DST: variants seen among roughly 807,000 people sequenced by gnomAD.
DST encodes the protein bullous pemphigoid antigen.
A neutral mutation model predicts 875.2 loss-of-function variants in DST; 253 were observed. That is an observed-to-expected ratio of 0.29 (90% CI 0.26 to 0.32). The LOEUF is 0.32. Among genes scored for constraint, DST ranks in the 10% least tolerant of loss-of-function variants. The pLI is 1.00. For missense variants in DST, 8,287 were observed against 9,111.6 expected (o/e 0.91, Z 3.68); for synonymous variants, 3,124 against 3,197.1 (o/e 0.98, Z 0.77).
intron 4 of DST, among the ~76,000 whole-genome samples, chr6:56,816,106 A>G (rs1375273076): frequency 6.6e-6 from 1 of 152,206 alleles, no homozygotes; most frequent in Non-Finnish European, 1.5e-5. Flanking sequence ...GGGCAACTTT[A>G]GGGTAGAAAA....
intron 4 of DST, among the ~76,000 whole-genome samples, chr6:56,813,110 C>G (rs1020988658): frequency 2.6e-5 from 4 of 151,504 alleles, no homozygotes; most frequent in Non-Finnish European, 5.9e-5. Flanking sequence ...TGGAAATCAT[C>G]ATTCTCAGTA....
Position 56,604,714 on chromosome 6 carries a change from T to C in DST, c.9914A>G (p.Asn3305Ser). The C allele has an allele frequency of 1.2e-6, 2 of 1,612,468 alleles. No homozygotes were observed. Residue 3305 changes from asparagine to serine, a missense_variant, in exon 40 of 104, where the codon AAC becomes AGC. This residue lies in a region of DST where 3,138 missense variants were observed against 3,116.6 expected (regional missense o/e 1.01). Coordinates refer to ENST00000680361, the MANE Select transcript of DST (RefSeq NM_001374736.1). ...ANGLGNDNSSNTLNTDYSFLE... is the reference protein window; with the variant it reads ...ANGLGNDNSSSTLNTDYSFLE... ...GAATGAATAGTCAGTATTTAAAGTG[T>C]TACTGGAGTTATCATTTCCTAATCC...
chr6:56,843,580 A>AGGCCGC (rs1163672322), intron 4 of DST: 36 of 983,904 alleles, frequency 3.7e-5, no homozygotes, highest in East Asian at 1.1e-4. Flanking sequence ...GGCCGGGCCG[A>AGGCCGC]GGCCGCGGCA....
intron 10 of DST, among the ~76,000 whole-genome samples, chr6:56,668,870 AAAAAGGGAGAAAG>A (rs2099085428): frequency 2.6e-5 from 4 of 152,052 alleles, no homozygotes. Flanking sequence ...TTTCCAAAAT[AAAAAGGGAGAAAG>A]AAAAGGGGAG....
At chr6:56,693,427 A>T in intron 9 of DST, 1 of 1,072,366 alleles carries the variant, frequency 9.3e-7, no homozygotes, top group Non-Finnish European at 1.1e-6. Context: ...CTGTCAAATT[A>T]CAACACTGAT....
At chr6:56,815,450 AGCACT>A (rs1298729589) in intron 4 of DST, among the ~76,000 whole-genome samples, 1 of 152,356 alleles carries the variant, frequency 6.6e-6, no homozygotes, top group Admixed American at 6.5e-5. Context: ...AAATTAATTA[AGCACT>A]GTATTTATCT....
At chr6:56,602,830 T>C (rs2098458285) in intron 43 of DST, 52 bp downstream of exon 43, 2 of 1,347,536 alleles carry the variant, frequency 1.5e-6, no homozygotes, top group Admixed American at 3.4e-5. Flanking sequence ...TTGTTATATA[T>C]TAAAGTCATA....
chr6:56,486,634 G>A (rs1582859119), intron 87 of DST, among the ~76,000 whole-genome samples: 2 of 152,200 alleles, frequency 1.3e-5, no homozygotes, highest in Admixed American at 1.3e-4. Flanking sequence ...GGGGTAGATG[G>A]AGTTGGAAAG....
intron 5 of DST, among the ~76,000 whole-genome samples, chr6:56,726,784 T>C (rs1490340808): frequency 6.6e-6 from 1 of 152,164 alleles, no homozygotes; most frequent in African/African-American, 2.4e-5. Context: ...AGTATACTAG[T>C]GGGAAAAAAA....
intron 87 of DST, among the ~76,000 whole-genome samples, chr6:56,486,312 G>A (rs867816518): frequency 3.0e-4 from 40 of 133,928 alleles, no homozygotes; most frequent in South Asian, 4.6e-4. Flanking sequence ...GCAGTGAGCC[G>A]AGATCCCGCC....
At position 56,482,124 on chromosome 6, in the gene DST, C is replaced by G; in HGVS notation, c.21457G>C (p.Glu7153Gln). The change falls in exon 90 of 104, where the codon GAG becomes CAG. Residue 7153 changes from glutamate (E) to glutamine (Q), a missense_variant. By Grantham distance (29) the Glu-to-Gln change is conservative. Around this residue, in one of 10 missense-constraint regions of DST, gnomAD observed 1,292 missense variants for 1,552.7 expected, o/e 0.83. Transcript: ENST00000680361. ...HALLEWLAEA[E>Q]QTLRFHGVLP... Reference sequence around the variant, plus strand: ...ACACCATGGAAACGCAGGGTTTGCTCCGCCTCAGCCAGCCACTCCAAGAGG... The same window carrying G: ...ACACCATGGAAACGCAGGGTTTGCTGCGCCTCAGCCAGCCACTCCAAGAGG... 6.2e-7 allele frequency: 1 copy of G among 1,613,664 alleles called. No individual in the cohort carries two copies. The highest frequency in any genetic ancestry group is 8.5e-7 in the Non-Finnish European group (1 of 1,179,772).
chr6:56,515,192 T>C (rs1366461364), intron 72 of DST, among the ~76,000 whole-genome samples: 1 of 152,192 alleles, frequency 6.6e-6, no homozygotes, highest in Non-Finnish European at 1.5e-5. Flanking sequence ...GAATTTTTTC[T>C]ATCTAGATGA....
chr6:56,626,998 G>C (rs1381955112), intron 34 of DST, among the ~76,000 whole-genome samples: 2 of 152,152 alleles, frequency 1.3e-5, no homozygotes. Context: ...AGTGGCAGGG[G>C]TGTACATATG....
chr6:56,620,470 C>T (rs2098679765), intron 36 of DST: 1 of 1,614,104 alleles, frequency 6.2e-7, no homozygotes, highest in Non-Finnish European at 8.5e-7. Context: ...CACTTTCAGC[C>T]CTTATCTTCT....
intron 4 of DST, among the ~76,000 whole-genome samples, chr6:56,773,504 A>G (rs2099671630): frequency 6.6e-6 from 1 of 152,150 alleles, no homozygotes; most frequent in African/African-American, 2.4e-5. Context: ...TATATGAGAT[A>G]TTCAGGCAAT....
intron 4 of DST, among the ~76,000 whole-genome samples, chr6:56,835,096 C>G (rs1418799987): frequency 1.3e-5 from 2 of 152,164 alleles, no homozygotes; most frequent in African/African-American, 4.8e-5. Flanking sequence ...TCAGAAAAGT[C>G]TATATACTGC....
At chr6:56,614,545 G>C (rs939239923) in intron 36 of DST, 61 bp from the exon 37 acceptor site, 29 of 1,461,006 alleles carry the variant, frequency 2.0e-5, no homozygotes, top group African/African-American at 4.3e-5. Context: ...CTATTAAACT[G>C]ACCTCTCCAT....
intron 4 of DST, among the ~76,000 whole-genome samples, chr6:56,748,103 C>G (rs1207933360): frequency 2.0e-5 from 3 of 152,144 alleles, no homozygotes; most frequent in Non-Finnish European, 2.9e-5. Flanking sequence ...TCTGTCCCAG[C>G]CAATAGCCTA....
At chr6:56,582,601 CTT>C (rs112850619) in intron 49 of DST, among the ~76,000 whole-genome samples, 115 of 145,092 alleles carry the variant, frequency 7.9e-4, no homozygotes, top group African/African-American at 2.7e-3. Flanking sequence ...TATTTCTTTT[CTT>C]TTTTTTTTTT....
Sources: allele counts gnomAD v4.1 joint callset (sites outside exome capture counted in the v4.1 genomes callset), GRCh38; gene constraint gnomAD v4.1.1; regional missense constraint gnomAD v4.1.1; transcripts MANE v1.5; gene names NCBI Gene and HGNC (gene_info 2026-07-23, HGNC 2026-07-21).